Variants in RNF146 observed in about 807,000 individuals in gnomAD.
RNF146 encodes E3 ubiquitin-protein ligase RNF146.
A neutral mutation model predicts 29.7 loss-of-function variants in RNF146; 11 were observed. That is an observed-to-expected ratio of 0.37 (90% CI 0.23 to 0.61). The LOEUF (loss-of-function observed/expected upper bound fraction) is 0.61. Ranked by LOEUF, RNF146 falls within the 20% of genes least tolerant of loss-of-function variation. The pLI, the probability that RNF146 is intolerant of heterozygous loss-of-function variation, is 0.66. For synonymous variants in RNF146, 150 were observed against 159.7 expected (o/e 0.94, Z 0.46); for missense variants, 342 against 438.9 (o/e 0.78, Z 1.97).
chr6:127,287,232 C>G lies in RNF146; in HGVS notation c.619C>G (p.Gln207Glu). The change falls in exon 3 of 3, where the codon CAG (glutamine) becomes GAG (glutamate). Residue 207 changes from glutamine (Q) to glutamate (E), a missense_variant. Coordinates refer to ENST00000368314, the MANE Select transcript of RNF146 (RefSeq NM_001242850.2). ...SADGADSVSA[Q>E]SGASVQPLVS... ...TGACGGAGCGGACAGTGTATCAGCA[C>G]AGAGTGGAGCTTCTGTTCAGCCCCT... The G allele has an allele frequency of 6.2e-7, 1 of 1,613,386 alleles. No homozygotes were observed. Among genetic ancestry groups the G allele is most frequent in the Non-Finnish European group, 8.5e-7 (1 of 1,179,646 alleles).
At position 127,287,297 on chromosome 6, in the gene RNF146, G is replaced by C. The variant is rs1160499594; in HGVS notation, c.684G>C (p.Gln228His). 6.2e-7 allele frequency: 1 copy of C among 1,613,428 alleles called. No individual in the cohort carries two copies. The highest frequency in any genetic ancestry group is 1.7e-5 in the Admixed American group (1 of 59,876). ...SVRPLTSVDG[Q>H]LTSPATPSPD... ...GGCCCCTAACATCAGTAGATGGTCA[G>C]TTAACAAGCCCTGCAACACCATCCC... Residue 228 changes from glutamine to histidine, a missense_variant, in exon 3 of 3, where the codon CAG (glutamine) becomes CAC (histidine). Transcript: ENST00000368314.
At chr6:127,268,301 A>G (rs1582850570) in intron 1 of RNF146, among the ~76,000 whole-genome samples, 2 of 152,316 alleles carry the variant, frequency 1.3e-5, no homozygotes, top group East Asian at 3.9e-4. Flanking sequence ...GACTTAGGAC[A>G]TTTTAGTCAG....
Position 127,280,324 on chromosome 6 carries a change from G to A in RNF146, c.-15G>A. The A allele has an allele frequency of 4.5e-6, 7 of 1,547,142 alleles. No individual in the cohort carries two copies. The highest frequency in any genetic ancestry group is 5.2e-6 in the Non-Finnish European group (6 of 1,144,642). On this transcript the variant is annotated 5_prime_UTR_variant, in exon 2 of 3. It introduces an in-frame stop codon into an upstream open reading frame of the 5' UTR. Coordinates refer to ENST00000368314, the MANE Select transcript of RNF146 (RefSeq NM_001242850.2). ...TTTATTTTTGTGGCAGGCATCTGTG[G>A]GATCTGTAATAGAAATGTAAGTGTA... is the stretch of plus-strand genomic sequence containing the variant.
intron 1 of RNF146, among the ~76,000 whole-genome samples, chr6:127,271,094 G>A (rs1777423780): frequency 1.3e-5 from 2 of 152,122 alleles, no homozygotes; most frequent in South Asian, 2.1e-4. Flanking sequence ...GATTACAGGC[G>A]TGAGCCACCG....
intron 1 of RNF146, among the ~76,000 whole-genome samples, chr6:127,269,992 G>T (rs1431475082): frequency 1.3e-5 from 2 of 151,710 alleles, no homozygotes; most frequent in African/African-American, 4.8e-5. Flanking sequence ...ATTTGTCTTT[G>T]TTTTTATATG....
rs1489279259 is a variant in RNF146, at chr6:127,286,711, C to A, written c.98C>A (p.Thr33Asn). Residue 33 changes from threonine to asparagine, a missense_variant, in exon 3 of 3, where the codon ACC (threonine) becomes AAC (asparagine). Transcript: ENST00000368314. This position sits in a 1 kb window ranked among gnomAD's most constrained non-coding sequence, Gnocchi z 4.6. The part of the protein sequence containing the change: ...ESCSNTAPSL[T>N]VPECAICLQT... ...TGTTCTAATACTGCACCTTCTTTAACCGTCCCTGAATGTGCCATTTGTCTG... is the reference window on the plus strand; with the variant it reads ...TGTTCTAATACTGCACCTTCTTTAAACGTCCCTGAATGTGCCATTTGTCTG... 1 of 1,613,356 alleles carries A rather than the reference C, an allele frequency of 6.2e-7. No individual in the cohort carries two copies. Among genetic ancestry groups the A allele is most frequent in the South Asian group, 1.1e-5 (1 of 91,070 alleles).
intron 2 of RNF146, among the ~76,000 whole-genome samples, chr6:127,284,085 C>CT (rs1240966191): frequency 6.6e-6 from 1 of 151,484 alleles, no homozygotes; most frequent in East Asian, 1.9e-4. Context: ...AGGTTGGAAA[C>CT]TTTTTTTTCT....
At chr6:127,280,011 A>G (rs1214413666) in intron 1 of RNF146, among the ~76,000 whole-genome samples, 2 of 151,796 alleles carry the variant, frequency 1.3e-5, no homozygotes, top group Non-Finnish European at 2.9e-5. Flanking sequence ...GAGAATAGAC[A>G]TAGTTTTACT....
chr6:127,268,543 G>A (rs76406607), intron 1 of RNF146, among the ~76,000 whole-genome samples: 3,780 of 152,290 alleles, frequency 0.025, 66 homozygotes, highest in East Asian at 0.1. Flanking sequence ...TTTTGGATGT[G>A]TTTGTTTTGG....
At position 127,286,665 on chromosome 6, in the gene RNF146, A is replaced by G. The variant is rs1396512125; in HGVS notation, c.52A>G (p.Asn18Asp). Residue 18 changes from asparagine to aspartate, a missense_variant, in exon 3 of 3, where the codon AAC (asparagine) becomes GAC (aspartate). Around this residue, in one of 6 missense-constraint regions of RNF146, gnomAD observed 39 missense variants for 43.1 expected, o/e 0.90. Transcript: ENST00000368314. This position sits in a 1 kb window ranked among gnomAD's most constrained non-coding sequence, Gnocchi z 4.6. ...TCATTCAATAAACATGCTTCCTACA[A>G]ACAGGAAAGCGAACGAGTCCTGTTC... The part of the protein sequence containing the change: ...IDHSINMLPT[N>D]RKANESCSNT... The G allele has an allele frequency of 1.1e-5, 17 of 1,612,740 alleles. No individual in the cohort carries two copies. The highest frequency in any genetic ancestry group is 1.4e-5 in the Non-Finnish European group (16 of 1,179,398).
Position 127,286,590 on chromosome 6 carries a change from TTAATA to T in RNF146, c.3-24_3-20del, listed in dbSNP as rs1276237456. ...ATATTGCAAGAATTAAAACATGACTTTAATATTATATGTATTTTTTCTTAGGATGG... is the reference window on the plus strand; with the variant it reads ...ATATTGCAAGAATTAAAACATGACTTTTATATGTATTTTTTCTTAGGATGG... On this transcript the variant is annotated intron_variant, in intron 2 of 2. Coordinates refer to ENST00000368314, the MANE Select transcript of RNF146 (RefSeq NM_001242850.2). This position sits in a 1 kb window ranked among gnomAD's most constrained non-coding sequence, Gnocchi z 4.6. 6.4e-7 allele frequency: 1 copy of T among 1,569,846 alleles called. No homozygotes were observed. The highest frequency in any genetic ancestry group is 1.2e-5 in the South Asian group (1 of 85,128).
At chr6:127,274,654 T>G (rs571367594) in intron 1 of RNF146, among the ~76,000 whole-genome samples, 138 of 152,306 alleles carry the variant, frequency 9.1e-4, no homozygotes, top group African/African-American at 3.2e-3. Context: ...TTCAATCAAT[T>G]AGGTTCTGAG....
At chr6:127,272,184 T>C (rs1562279553) in intron 1 of RNF146, among the ~76,000 whole-genome samples, 2 of 152,204 alleles carry the variant, frequency 1.3e-5, no homozygotes, top group Admixed American at 6.5e-5. Flanking sequence ...GGTATAGTCA[T>C]ATTTCACAGG....
chr6:127,285,527 G>GCCTT (rs1779393501), intron 2 of RNF146, among the ~76,000 whole-genome samples: 1 of 55,686 alleles, frequency 1.8e-5, no homozygotes, highest in African/African-American at 6.4e-5. Flanking sequence ...CTTTTAAAAT[G>GCCTT]TCTTTTTTTT....
chr6:127,282,279 C>G (rs1779010371), intron 2 of RNF146: 1 of 151,702 alleles, frequency 6.6e-6, no homozygotes, highest in South Asian at 2.1e-4. Flanking sequence ...GGCTATTTTA[C>G]CTCACAGATA....
chr6:127,280,376 G>A lies in RNF146; in HGVS notation c.2+36G>A. 2.6e-6 allele frequency: 4 copies of A among 1,544,444 alleles called. No homozygotes were observed. In the South Asian group the frequency reaches 4.8e-5, roughly 18 times the overall value. ...CATCATGGTTTTTTTCAGTGCTGCA[G>A]TAAATTAAATGGATTGGTTTAACGT... On this transcript the variant is annotated intron_variant, in intron 2 of 2. Coordinates refer to ENST00000368314, the MANE Select transcript of RNF146 (RefSeq NM_001242850.2).
intron 1 of RNF146, among the ~76,000 whole-genome samples, chr6:127,269,572 T>A (rs968667644): frequency 1.9e-4 from 29 of 152,200 alleles, no homozygotes; most frequent in Non-Finnish European, 3.2e-4. Flanking sequence ...AGGGAAATAA[T>A]TCTTTAAAGT....
intron 1 of RNF146, chr6:127,267,154 T>C (rs1197247475): frequency 6.6e-6 from 1 of 152,334 alleles, no homozygotes. Context: ...AGAGGCGGGA[T>C]GGGACAGTTC....
At chr6:127,271,835 T>TG (rs1429514181) in intron 1 of RNF146, among the ~76,000 whole-genome samples, 1 of 152,184 alleles carries the variant, frequency 6.6e-6, no homozygotes, top group Non-Finnish European at 1.5e-5. Flanking sequence ...TTTGTAGAAA[T>TG]GGGGGTCTCA....
Sources: allele counts gnomAD v4.1 joint callset (sites outside exome capture counted in the v4.1 genomes callset), GRCh38; gene constraint gnomAD v4.1.1; regional missense constraint gnomAD v4.1.1; non-coding constraint Gnocchi (gnomAD v3.1); transcripts MANE v1.5; gene names NCBI Gene and HGNC (gene_info 2026-07-23, HGNC 2026-07-21).